Variants in PRKCB observed in about 807,000 individuals in gnomAD.
PRKCB encodes protein kinase C beta type.
A neutral mutation model predicts 81.5 loss-of-function variants in PRKCB; 13 were observed. That is an observed-to-expected ratio of 0.16 (90% CI 0.10 to 0.25). The LOEUF (loss-of-function observed/expected upper bound fraction) is 0.25, where lower values mean the gene tolerates loss of function less well. PRKCB is among the 10% of genes least tolerant of loss of function. The pLI is 1.00. For missense variants in PRKCB, 509 were observed against 875.7 expected (o/e 0.58, Z 5.29); for synonymous variants, 335 against 321.4 (o/e 1.04, Z -0.45).
intron 10 of PRKCB, among the ~76,000 whole-genome samples, chr16:24,166,309 T>C (rs1264458900): frequency 6.6e-6 from 1 of 152,204 alleles, no homozygotes; most frequent in Non-Finnish European, 1.5e-5. Flanking sequence ...TTTTAAAAAA[T>C]AAGTCAATTT....
intron 2 of PRKCB, among the ~76,000 whole-genome samples, chr16:23,869,728 C>G (rs1305999735): frequency 1.3e-5 from 2 of 152,078 alleles, no homozygotes; most frequent in East Asian, 3.9e-4. Context: ...AGTGTCATCA[C>G]AAATAATTCA....
Position 23,882,016 on chromosome 16 carries a change from T to TTCTCTTTCTTTCTTTCTTTC in PRKCB, c.205+44613_205+44614insCTTTCTTTCTTTCTTTCTCT, listed in dbSNP as rs1194795758. Among the ~76,000 whole-genome samples, 45 of 93,878 alleles carry TTCTCTTTCTTTCTTTCTTTC rather than the reference T, an allele frequency of 4.8e-4. 1 individual carries two copies. The highest frequency in any genetic ancestry group is 1.5e-3 in the South Asian group (4 of 2,706). 61.6% of individuals were successfully genotyped at this position (93,878 alleles called of 152,430 possible). On this transcript the variant is annotated intron_variant, in intron 2 of 16. Transcript: ENST00000643927. ...TTTCTTTCTTTCTTTCTTTCTTTCT[T>TTCTCTTTCTTTCTTTCTTTC]TCTTTCTTCCTTCCTTCCTTCCTTC...
intron 3 of PRKCB, among the ~76,000 whole-genome samples, chr16:24,027,656 G>A (rs1567349519): frequency 1.3e-5 from 2 of 152,322 alleles, no homozygotes; most frequent in Middle Eastern, 3.4e-3. Flanking sequence ...GGGTGGGAAC[G>A]TTGTGAAAGA....
At chr16:23,922,274 A>G (rs1394645809) in intron 2 of PRKCB, among the ~76,000 whole-genome samples, 1 of 152,188 alleles carries the variant, frequency 6.6e-6, no homozygotes, top group East Asian at 1.9e-4. Flanking sequence ...ACCCATGTTG[A>G]ATTGAATAGT....
intron 2 of PRKCB, among the ~76,000 whole-genome samples, chr16:23,986,660 A>G (rs184353667): frequency 6.6e-6 from 1 of 152,318 alleles, no homozygotes. Flanking sequence ...AAGACTCAGC[A>G]CATTTTCATC....
intron 2 of PRKCB, among the ~76,000 whole-genome samples, chr16:23,945,308 A>G (rs3785391): frequency 0.36 from 54,952 of 152,104 alleles, 10,189 homozygotes; most frequent in South Asian, 0.52. Context: ...TATTGTCAGG[A>G]GGTAATTTAC....
chr16:24,127,823 T>G (rs1966847136), intron 9 of PRKCB, among the ~76,000 whole-genome samples: 1 of 152,208 alleles, frequency 6.6e-6, no homozygotes, highest in Non-Finnish European at 1.5e-5. Context: ...ACCTCTATGA[T>G]CCTTTAAAAC....
At chr16:23,870,742 C>T (rs2141098869) in intron 2 of PRKCB, among the ~76,000 whole-genome samples, 1 of 152,296 alleles carries the variant, frequency 6.6e-6, no homozygotes, top group Admixed American at 6.5e-5. Context: ...GACTGTGTTC[C>T]CACACTTTCT....
At chr16:24,158,141 C>G (rs1967191885) in intron 10 of PRKCB, among the ~76,000 whole-genome samples, 1 of 152,194 alleles carries the variant, frequency 6.6e-6, no homozygotes, top group African/African-American at 2.4e-5. Flanking sequence ...GCAAGAGACC[C>G]TGAGATGCCA....
At position 24,220,222 on chromosome 16, in the gene PRKCB, T is replaced by C; in HGVS notation, c.*5406T>C. On this transcript the variant is annotated 3_prime_UTR_variant, in exon 17 of 17. Coordinates refer to ENST00000643927, the MANE Select transcript of PRKCB (RefSeq NM_002738.7). Reference sequence around the variant, plus strand: ...GGTGCACATGCTGGCATTCAACATGTGGAAAGCTTGTCTTAGAGGGCTTTT... The same window carrying C: ...GGTGCACATGCTGGCATTCAACATGCGGAAAGCTTGTCTTAGAGGGCTTTT... 7.3e-7 allele frequency: 1 copy of C among 1,371,184 alleles called. No individual in the cohort carries two copies. Among genetic ancestry groups the C allele is most frequent in the Non-Finnish European group, 1.0e-6 (1 of 999,706 alleles). The allele number at this position is 1,371,184 out of a possible 1,614,324, so 84.9% of individuals were successfully genotyped here.
At chr16:23,911,503 C>G (rs1963652896) in intron 2 of PRKCB, among the ~76,000 whole-genome samples, 1 of 152,018 alleles carries the variant, frequency 6.6e-6, no homozygotes, top group Non-Finnish European at 1.5e-5. Context: ...CCTATAAGAG[C>G]TCTGTGTTTA....
At chr16:23,986,532 G>A (rs945466033) in intron 2 of PRKCB, among the ~76,000 whole-genome samples, 2 of 152,152 alleles carry the variant, frequency 1.3e-5, no homozygotes, top group African/African-American at 4.8e-5. Flanking sequence ...GATTACAGAT[G>A]TGAGCCACCA....
chr16:24,049,514 C>T (rs1392775685), intron 5 of PRKCB, among the ~76,000 whole-genome samples: 1 of 150,134 alleles, frequency 6.7e-6, no homozygotes, highest in Non-Finnish European at 1.5e-5. Flanking sequence ...ATTACCCTGG[C>T]ACAACCGGGA....
At chr16:24,085,565 A>C (rs906148780) in intron 5 of PRKCB, among the ~76,000 whole-genome samples, 1 of 152,212 alleles carries the variant, frequency 6.6e-6, no homozygotes, top group Non-Finnish European at 1.5e-5. Context: ...AGAGGACAAC[A>C]GTTCTAAATT....
At chr16:24,030,343 T>C (rs1965535515) in intron 3 of PRKCB, among the ~76,000 whole-genome samples, 1 of 150,664 alleles carries the variant, frequency 6.6e-6, no homozygotes, top group East Asian at 2.0e-4. Flanking sequence ...GGAGCGGGGG[T>C]GCGCTCTGAG....
At chr16:24,079,043 A>T (rs922056622) in intron 5 of PRKCB, among the ~76,000 whole-genome samples, 1 of 152,162 alleles carries the variant, frequency 6.6e-6, no homozygotes, top group Non-Finnish European at 1.5e-5. Flanking sequence ...GCCTGAAGCA[A>T]CGGAAGATCC....
intron 9 of PRKCB, among the ~76,000 whole-genome samples, chr16:24,141,886 C>T (rs1279352892): frequency 2.0e-5 from 3 of 152,162 alleles, no homozygotes; most frequent in Non-Finnish European, 4.4e-5. Context: ...TGGTCGATTG[C>T]TCTGATTCAC....
chr16:24,163,749 G>GCGT (rs2141960060), intron 10 of PRKCB, among the ~76,000 whole-genome samples: 1 of 152,366 alleles, frequency 6.6e-6, no homozygotes, highest in South Asian at 2.1e-4. Flanking sequence ...TTTTGAGTTT[G>GCGT]CATGGACTTG....
At chr16:24,181,027 A>G in intron 13 of PRKCB, 99 bp downstream of exon 13, 1 of 1,446,400 alleles carries the variant, frequency 6.9e-7, no homozygotes, top group South Asian at 1.4e-5. Flanking sequence ...GGTACCTTGC[A>G]AGGGAACCTC....
Sources: gnomAD v4.1 joint callset for allele counts (sites outside exome capture counted in the v4.1 genomes callset) on GRCh38, gnomAD v4.1.1 for gene constraint, MANE v1.5 for transcripts, NCBI Gene and HGNC (gene_info 2026-07-23, HGNC 2026-07-21) for gene names.